SLIT1: variants seen among roughly 807,000 people sequenced by gnomAD.
SLIT1 encodes slit homolog 1 protein.
SLIT1 carries 66 observed loss-of-function variants against 186.1 expected under a neutral mutation model. The ratio of observed to expected loss-of-function variants is 0.35; its 90% CI spans 0.29 to 0.44. The LOEUF is 0.44. SLIT1 is among the 20% of genes least tolerant of loss of function. SLIT1 has a pLI of 1.00. For synonymous variants in SLIT1, 761 were observed against 833.8 expected (o/e 0.91, Z 1.50); for missense variants, 1,638 against 2,037.4 (o/e 0.80, Z 3.77).
intron 1 of SLIT1, among the ~76,000 whole-genome samples, chr10:97,175,054 T>C (rs1194340673): frequency 6.6e-6 from 1 of 152,194 alleles, no homozygotes; most frequent in African/African-American, 2.4e-5. Context: ...AGTTCCCCCA[T>C]TCTCCACCAG....
chr10:97,164,101 C>T (rs541451313), intron 2 of SLIT1, among the ~76,000 whole-genome samples: 3 of 152,376 alleles, frequency 2.0e-5, no homozygotes, highest in African/African-American at 2.4e-5. Flanking sequence ...TCACCGCCAA[C>T]GTGCCCTGAA....
chr10:97,179,809 C>CT (rs929792475), intron 1 of SLIT1, among the ~76,000 whole-genome samples: 2 of 151,142 alleles, frequency 1.3e-5, no homozygotes, highest in African/African-American at 4.8e-5. Flanking sequence ...CTCCCCGCCC[C>CT]CCGGCACAGC....
chr10:97,004,775 C>A lies in SLIT1; in HGVS notation c.3628G>T (p.Asp1210Tyr), dbSNP rs748040766. Residue 1210 changes from aspartate to tyrosine, a missense_variant, in exon 33 of 37, where the codon GAC becomes TAC. Asp to Tyr is a radical substitution (Grantham distance 160, BLOSUM62 -3). Transcript: ENST00000266058. This position sits in a 1 kb window ranked among gnomAD's most constrained non-coding sequence, Gnocchi z 5.1. ...NGILLYNGDNDHIAVELYQGH... is the reference protein window; with the variant it reads ...NGILLYNGDNYHIAVELYQGH... The stretch of plus-strand genomic sequence containing the variant: ...TGGTACAGCTCAACTGCAATGTGGT[C>A]GTTGTCCCCGTTGTACAGAAGGATC... 1.2e-6 allele frequency: 2 copies of A among 1,614,102 alleles called. No homozygotes were observed. The highest frequency in any genetic ancestry group is 1.7e-6 in the Non-Finnish European group (2 of 1,179,992).
At chr10:97,053,870 A>AT (rs1458085136) in intron 13 of SLIT1, among the ~76,000 whole-genome samples, 2 of 152,168 alleles carry the variant, frequency 1.3e-5, no homozygotes, top group African/African-American at 2.4e-5. Context: ...TATGGTTTGG[A>AT]TGTTCGTCCC....
In SLIT1 at chr10:97,043,307, GCC is replaced by G. The variant is rs1848705552; in HGVS notation, c.1997+61_1997+62del. On this transcript the variant is annotated intron_variant, in intron 19 of 36. Transcript: ENST00000266058. This position sits in a 1 kb window ranked among gnomAD's most constrained non-coding sequence, Gnocchi z 7.0. ...AGGGTGAGCTCTTTCAAAGTGGCTG[GCC>G]GAGACGGTTGGGACGGTTGCTCCAG... 1.9e-6 allele frequency: 3 copies of G among 1,599,860 alleles called. No homozygotes were observed. In the South Asian group the frequency reaches 3.3e-5, roughly 18 times the overall value.
intron 1 of SLIT1, among the ~76,000 whole-genome samples, chr10:97,166,740 G>A (rs1335038311): frequency 6.6e-6 from 1 of 152,136 alleles, no homozygotes; most frequent in Non-Finnish European, 1.5e-5. Flanking sequence ...CTTCCACTAA[G>A]ATCAGCAACA....
rs769350466 is a variant in SLIT1, at chr10:97,064,835, G to A, written c.527C>T (p.Ala176Val). ...CTCCAGCCCCCGCAGAGCACGGAAG[G>A]CCCCTTCCTCAATGCAGCTGATCTG... ...KNQISCIEEG[A>V]FRALRGLEVL... Residue 176 changes from alanine to valine, a missense_variant, in exon 6 of 37, where the codon GCC becomes GTC. Coordinates refer to ENST00000266058, the MANE Select transcript of SLIT1 (RefSeq NM_003061.3). The A allele has an allele frequency of 7.4e-6, 12 of 1,612,086 alleles. 1 individual carries two copies. The South Asian group carries it at 1.2e-4, about 16-fold the overall frequency.
rs570473706 is a variant in SLIT1 at position 97,021,742 on chromosome 10, T to C, written c.2583-329A>G. Among the ~76,000 whole-genome samples the C allele has an allele frequency of 2.0e-5, 3 of 152,238 alleles. No individual in the cohort carries two copies. The East Asian group carries it at 5.8e-4, about 29-fold the overall frequency. ...CATGCACAGCTAATTTTTGTATTTT[T>C]AGTAGAGACGGGGTTTCACCATATT... On this transcript the variant is annotated intron_variant, in intron 25 of 36. Transcript: ENST00000266058. The surrounding 1 kb of genome is among the most constrained non-coding windows in gnomAD (Gnocchi z 4.5).
At chr10:97,001,965 G>A (rs1848313689) in intron 36 of SLIT1, among the ~76,000 whole-genome samples, 193 bp downstream of exon 36, 1 of 152,164 alleles carries the variant, frequency 6.6e-6, no homozygotes, top group Admixed American at 6.5e-5. Flanking sequence ...TAAGGGAGCT[G>A]CAGGGCAAAC....
rs375851857 is a variant in SLIT1, at chr10:97,043,120, C to T, written c.1998-53G>A. Reference sequence around the variant, plus strand: ...GAGACACTCTGCCCCTCTCAGAGGTCCCAGCAAACCCCTCCTGTACCACGG... The same window carrying T: ...GAGACACTCTGCCCCTCTCAGAGGTTCCAGCAAACCCCTCCTGTACCACGG... On this transcript the variant is annotated intron_variant, in intron 19 of 36. Coordinates refer to ENST00000266058, the MANE Select transcript of SLIT1 (RefSeq NM_003061.3). The surrounding 1 kb of genome is among the most constrained non-coding windows in gnomAD (Gnocchi z 7.0). 2 of 1,568,754 alleles carry T rather than the reference C, an allele frequency of 1.3e-6. No individual in the cohort carries two copies. Among genetic ancestry groups the T allele is most frequent in the Admixed American group, 1.7e-5 (1 of 58,184 alleles).
chr10:97,156,479 G>A (rs1849954111), intron 4 of SLIT1, among the ~76,000 whole-genome samples: 1 of 152,228 alleles, frequency 6.6e-6, no homozygotes, highest in Non-Finnish European at 1.5e-5. Flanking sequence ...TCTGGAGGCT[G>A]AGGTGGGAAG....
At chr10:97,132,731 C>T (rs1849665779) in intron 4 of SLIT1, among the ~76,000 whole-genome samples, 2 of 152,232 alleles carry the variant, frequency 1.3e-5, no homozygotes, top group African/African-American at 4.8e-5. Context: ...GCACATGTGC[C>T]AGGACGCTGG....
At chr10:97,066,233 G>C in intron 4 of SLIT1, 147 bp from the exon 5 acceptor site, 1 of 651,082 alleles carries the variant, frequency 1.5e-6, no homozygotes, top group Non-Finnish European at 2.8e-6. Flanking sequence ...GACAGTGCCT[G>C]GCCCACAGTG....
intron 28 of SLIT1, among the ~76,000 whole-genome samples, chr10:97,017,776 G>A (rs1198586598): frequency 6.6e-6 from 1 of 152,216 alleles, no homozygotes; most frequent in Non-Finnish European, 1.5e-5. Context: ...GGCCCTGTCT[G>A]CAGGCAGCAC....
At chr10:97,013,030 A>C (rs1034469988) in intron 30 of SLIT1, among the ~76,000 whole-genome samples, 12 of 152,258 alleles carry the variant, frequency 7.9e-5, no homozygotes, top group African/African-American at 2.9e-4. Flanking sequence ...CCATGATGAA[A>C]ATACAGACCA....
intron 4 of SLIT1, among the ~76,000 whole-genome samples, chr10:97,078,221 T>C (rs1198431658): frequency 6.6e-6 from 1 of 152,140 alleles, no homozygotes; most frequent in Non-Finnish European, 1.5e-5. Context: ...CTGTGGATGG[T>C]GGGGTCTGAG....
chr10:97,003,630 A>G (rs554148567), intron 34 of SLIT1, among the ~76,000 whole-genome samples: 12 of 152,278 alleles, frequency 7.9e-5, no homozygotes, highest in African/African-American at 2.9e-4. Context: ...AGACGGGGTC[A>G]TCTAGCCTGC....
chr10:97,079,265 G>A (rs753882915), intron 4 of SLIT1, among the ~76,000 whole-genome samples: 9 of 152,156 alleles, frequency 5.9e-5, no homozygotes, highest in Non-Finnish European at 1.0e-4. Context: ...GTAGTTAGTC[G>A]GGATGGGGGG....
In SLIT1 at chr10:97,141,756, C is replaced by T. The variant is rs527698032; in HGVS notation, c.413+16062G>A. On this transcript the variant is annotated intron_variant, in intron 4 of 36. Transcript: ENST00000266058. ...TGTATTGTATCGTATCGTATCGTATCGTATCGTATTGTATCGTACTGTATT... is the reference window on the plus strand; with the variant it reads ...TGTATTGTATCGTATCGTATCGTATTGTATCGTATTGTATCGTACTGTATT... Among the ~76,000 whole-genome samples, 78 of 141,312 alleles carry T rather than the reference C, an allele frequency of 5.5e-4. 1 individual carries two copies. Among genetic ancestry groups the T allele is most frequent in the Middle Eastern group, 7.1e-3 (2 of 280 alleles). 92.7% of individuals were successfully genotyped at this position (141,312 alleles called of 152,430 possible). A position where few individuals can be genotyped will look rare whatever the true frequency, so the allele number is the denominator to read the frequency against.
Sources: allele counts gnomAD v4.1 joint callset (sites outside exome capture counted in the v4.1 genomes callset), GRCh38; gene constraint gnomAD v4.1.1; non-coding constraint Gnocchi (gnomAD v3.1); transcripts MANE v1.5; gene names NCBI Gene and HGNC (gene_info 2026-07-23, HGNC 2026-07-21).